Variants in ZRANB3 observed in about 807,000 individuals in gnomAD.
ZRANB3 encodes DNA annealing helicase and endonuclease ZRANB3.
ZRANB3 carries 125 observed loss-of-function variants against 133.8 expected under a neutral mutation model. The observed-to-expected ratio is 0.93, with a 90% CI of 0.81 to 1.08. The LOEUF is 1.08. Among genes scored for constraint, ZRANB3 ranks in the 50% least tolerant of loss-of-function variants. The probability of loss-of-function intolerance (pLI) is 0.00; values close to 1 mark genes in which losing one functional copy is unlikely to be tolerated. For synonymous variants in ZRANB3, 387 were observed against 432.7 expected, an observed-to-expected ratio of 0.89 and a Z score of 1.31; for missense variants, 1,229 against 1,275.5, an observed-to-expected ratio of 0.96 and a Z score of 0.56.
chr2:135,311,233 G>A (rs1031697113), intron 8 of ZRANB3, among the ~76,000 whole-genome samples: 3 of 152,038 alleles, frequency 2.0e-5, no homozygotes, highest in Non-Finnish European at 4.4e-5. Context: ...ATCAGTCATC[G>A]GGAAAAGAAA....
intron 8 of ZRANB3, among the ~76,000 whole-genome samples, chr2:135,310,446 G>GATTTAACATTTTACAAAATAAA (rs1311259090): frequency 3.3e-5 from 5 of 151,944 alleles, no homozygotes; most frequent in African/African-American, 1.2e-4. Context: ...TATGTAAAAT[G>GATTTAACATTTTACAAAATAAA]ACAAACCAAA....
chr2:135,528,291 T>C (rs1056056031), intron 1 of ZRANB3, among the ~76,000 whole-genome samples: 16 of 152,040 alleles, frequency 1.1e-4, no homozygotes, highest in South Asian at 4.1e-4. Flanking sequence ...TGGACCACAG[T>C]TGTGCACCAC....
At chr2:135,267,770 AT>A (rs1035169053) in intron 11 of ZRANB3, among the ~76,000 whole-genome samples, 8 of 152,154 alleles carry the variant, frequency 5.3e-5, no homozygotes, top group African/African-American at 1.9e-4. Flanking sequence ...CTTAAAAAAC[AT>A]TTCATTGAAA....
chr2:135,344,946 A>G (rs1684849140), intron 6 of ZRANB3, among the ~76,000 whole-genome samples: 1 of 152,200 alleles, frequency 6.6e-6, no homozygotes, highest in Non-Finnish European at 1.5e-5. Context: ...TCAGAAGGAT[A>G]CACAATAAAG....
chr2:135,210,715 C>A (rs559999321), intron 17 of ZRANB3, among the ~76,000 whole-genome samples: 11 of 152,154 alleles, frequency 7.2e-5, no homozygotes, highest in African/African-American at 2.4e-4. Flanking sequence ...GGGTGGGTCT[C>A]CTGAGGTCAG....
chr2:135,243,380 G>A (rs967159174), intron 12 of ZRANB3, among the ~76,000 whole-genome samples: 7 of 152,176 alleles, frequency 4.6e-5, no homozygotes, highest in African/African-American at 1.2e-4. Context: ...CGTGCGTAGC[G>A]TTGGCGCCTG....
At chr2:135,205,524 GT>G (rs1315679664) in intron 19 of ZRANB3, among the ~76,000 whole-genome samples, 1 of 151,914 alleles carries the variant, frequency 6.6e-6, no homozygotes. Flanking sequence ...AATTGTTCTG[GT>G]TTTTTTCTTT....
chr2:135,522,288 G>A (rs1055368709), intron 1 of ZRANB3, among the ~76,000 whole-genome samples: 4 of 152,086 alleles, frequency 2.6e-5, no homozygotes, highest in African/African-American at 9.7e-5. Flanking sequence ...TTTGCCCTAA[G>A]AACAAAGAGC....
At position 135,350,020 on chromosome 2, in the gene ZRANB3, A is replaced by T. The variant is rs770882483; in HGVS notation, c.555T>A (p.Leu185=). The change falls in exon 5 of 21, where the codon CTT becomes CTA. Residue 185 remains leucine, a synonymous_variant. Coordinates refer to ENST00000264159, the MANE Select transcript of ZRANB3 (RefSeq NM_032143.4). ...TTCCTAAAGCTGGTGTTCCTGTAAG[A>T]AGAATGGCTCGTCTGGCTTTCTGTA... is the stretch of plus-strand genomic sequence containing the variant. The part of the protein sequence containing the change: ...PIVQKARRAI[L]LTGTPALGRP... 1.2e-5 allele frequency: 20 copies of T among 1,613,848 alleles called. No individual in the cohort carries two copies. The highest frequency in any genetic ancestry group is 1.7e-5 in the Non-Finnish European group (20 of 1,179,854).
intron 3 of ZRANB3, among the ~76,000 whole-genome samples, chr2:135,379,840 G>A (rs1240669745): frequency 6.6e-6 from 1 of 152,096 alleles, no homozygotes; most frequent in East Asian, 1.9e-4. Context: ...TGGGCGAAAT[G>A]TACCCATTAA....
At chr2:135,391,072 G>T (rs773164023) in intron 2 of ZRANB3, among the ~76,000 whole-genome samples, 1 of 152,128 alleles carries the variant, frequency 6.6e-6, no homozygotes, top group African/African-American at 2.4e-5. Flanking sequence ...TGTTGCTTAG[G>T]ATGGTATCGA....
chr2:135,306,574 G>A (rs1682713832), intron 8 of ZRANB3, among the ~76,000 whole-genome samples: 2 of 142,200 alleles, frequency 1.4e-5, no homozygotes, highest in African/African-American at 5.3e-5. Context: ...TTACAGGCAT[G>A]AGCCACCGCA....
At chr2:135,247,814 C>A (rs1402282108) in intron 12 of ZRANB3, among the ~76,000 whole-genome samples, 1 of 152,194 alleles carries the variant, frequency 6.6e-6, no homozygotes, top group Non-Finnish European at 1.5e-5. Context: ...GGCACCTTAG[C>A]TGTTCCAGTC....
chr2:135,295,687 A>C (rs529785297), intron 8 of ZRANB3, among the ~76,000 whole-genome samples: 117 of 150,376 alleles, frequency 7.8e-4, no homozygotes, highest in African/African-American at 2.7e-3. Context: ...GGTCTTTACA[A>C]TTTGGCATGT....
At chr2:135,272,413 G>GTTTTTTTTTTTTTTTTTTTT (rs1558877433) in intron 9 of ZRANB3, among the ~76,000 whole-genome samples, 3 of 109,908 alleles carry the variant, frequency 2.7e-5, no homozygotes, top group African/African-American at 1.1e-4. Context: ...GGAAAATAGA[G>GTTTTTTTTTTTTTTTTTTTT]CTTTTTTTTT....
intron 12 of ZRANB3, among the ~76,000 whole-genome samples, chr2:135,237,002 C>A: frequency 6.6e-6 from 1 of 151,956 alleles, no homozygotes; most frequent in Non-Finnish European, 1.5e-5. Flanking sequence ...AGTGAACAGG[C>A]AACCTACAGA....
At chr2:135,367,706 G>A (rs1686001082) in intron 3 of ZRANB3, among the ~76,000 whole-genome samples, 1 of 152,106 alleles carries the variant, frequency 6.6e-6, no homozygotes, top group South Asian at 2.1e-4. Context: ...ATTAAACATA[G>A]TGATAGATAA....
chr2:135,396,534 C>A (rs1687494417), intron 2 of ZRANB3, among the ~76,000 whole-genome samples: 2 of 152,102 alleles, frequency 1.3e-5, no homozygotes, highest in Non-Finnish European at 1.5e-5. Context: ...AACTAGAGGT[C>A]ATTATGTTAA....
chr2:135,353,611 T>C lies in ZRANB3; in HGVS notation c.198A>G (p.Thr66=), dbSNP rs1327834518. The stretch of plus-strand genomic sequence containing the variant: ...AGTAAGTAATTCCAATTGCCTGGAT[T>C]GTCTTTCCTAGACCCATCTAAATTA... ...MVADEMGLGK[T]IQAIGITYFY... Residue 66 remains threonine, a synonymous_variant, in exon 4 of 21, where the codon ACA becomes ACG. Transcript: ENST00000264159. The C allele has an allele frequency of 3.8e-6, 6 of 1,576,178 alleles. No homozygotes were observed. The highest frequency in any genetic ancestry group is 5.2e-6 in the Non-Finnish European group (6 of 1,161,348).
Sources: allele counts gnomAD v4.1 joint callset (sites outside exome capture counted in the v4.1 genomes callset), GRCh38; gene constraint gnomAD v4.1.1; transcripts MANE v1.5; gene names NCBI Gene and HGNC (gene_info 2026-07-23, HGNC 2026-07-21).